Variants in MRPS28 observed in about 807,000 individuals in gnomAD.
MRPS28 encodes mitochondrial ribosomal protein S28.
A neutral mutation model predicts 10.8 loss-of-function variants in MRPS28; 7 were observed. The ratio of observed to expected loss-of-function variants is 0.65; its 90% CI spans 0.37 to 1.22. The LOEUF (loss-of-function observed/expected upper bound fraction) is 1.22. MRPS28 is among the 50% of genes most tolerant of loss of function. The pLI, the probability that MRPS28 is intolerant of heterozygous loss-of-function variation, is 0.02. For missense variants in MRPS28, 265 were observed against 232.9 expected (o/e 1.14, Z -0.90); for synonymous variants, 121 against 93.3 (o/e 1.30, Z -1.71).
intron 2 of MRPS28, among the ~76,000 whole-genome samples, chr8:79,992,919 T>C (rs1375867846): frequency 6.6e-6 from 1 of 152,220 alleles, no homozygotes; most frequent in Non-Finnish European, 1.5e-5. Context: ...TGCAAACCTC[T>C]TAACAAAGTA....
intron 2 of MRPS28, among the ~76,000 whole-genome samples, chr8:79,930,354 C>CT (rs1230332785): frequency 6.6e-6 from 1 of 152,232 alleles, no homozygotes; most frequent in East Asian, 1.9e-4. Flanking sequence ...TCTTTAATCT[C>CT]TGTCAGTGTT....
intron 1 of MRPS28, among the ~76,000 whole-genome samples, chr8:80,008,941 T>C: frequency 6.6e-6 from 1 of 152,184 alleles, no homozygotes; most frequent in Non-Finnish European, 1.5e-5. Context: ...ACCCAAAGGA[T>C]TATAAATCAT....
chr8:80,009,970 C>T (rs373100391), intron 1 of MRPS28, among the ~76,000 whole-genome samples: 1 of 152,142 alleles, frequency 6.6e-6, no homozygotes, highest in African/African-American at 2.4e-5. Context: ...AACATGAGTT[C>T]CTGATACATA....
At chr8:79,924,608 T>C (rs1810185463) in intron 2 of MRPS28, among the ~76,000 whole-genome samples, 1 of 152,222 alleles carries the variant, frequency 6.6e-6, no homozygotes, top group Admixed American at 6.5e-5. Context: ...ATTGATACAA[T>C]GTAAAGTGAT....
chr8:79,998,349 G>GA, intron 2 of MRPS28, among the ~76,000 whole-genome samples: 1 of 152,194 alleles, frequency 6.6e-6, no homozygotes, highest in East Asian at 1.9e-4. Flanking sequence ...TGATTTAAAA[G>GA]AAAAATATAA....
chr8:79,985,197 G>C (rs1349874489), intron 2 of MRPS28, among the ~76,000 whole-genome samples: 3 of 152,058 alleles, frequency 2.0e-5, no homozygotes, highest in East Asian at 3.8e-4. Flanking sequence ...ACGAAATGAA[G>C]GCAGAAATAA....
intron 1 of MRPS28, among the ~76,000 whole-genome samples, chr8:80,013,160 T>C (rs79748793): frequency 3.3e-4 from 51 of 152,308 alleles, no homozygotes; most frequent in Non-Finnish European, 6.6e-4. Flanking sequence ...GAATAAGTCA[T>C]TTAACTTCTC....
chr8:79,977,932 C>G lies in MRPS28; in HGVS notation c.395+25067G>C, dbSNP rs7818231. On this transcript the variant is annotated intron_variant, in intron 2 of 2. Coordinates refer to ENST00000276585, the MANE Select transcript of MRPS28 (RefSeq NM_014018.3). Reference sequence around the variant, plus strand: ...TTATATTTATGATATATAAATACTTCTTTTTCCTATTTCCCTTTTTCTTAC... The same window carrying G: ...TTATATTTATGATATATAAATACTTGTTTTTCCTATTTCCCTTTTTCTTAC... Among the ~76,000 whole-genome samples, 1,049 of 152,086 alleles carry G rather than the reference C, an allele frequency of 6.9e-3. 4 individuals are homozygous for G. The highest frequency in any genetic ancestry group is 0.012 in the Non-Finnish European group (832 of 67,990).
chr8:80,027,673 A>C (rs1417879541), intron 1 of MRPS28, among the ~76,000 whole-genome samples: 1 of 152,224 alleles, frequency 6.6e-6, no homozygotes, highest in African/African-American at 2.4e-5. Context: ...GAAGGAGTAA[A>C]GGGGTTCACG....
rs192554022 is a variant in MRPS28 at position 80,014,372 on chromosome 8, C to A, written c.214-11192G>T. Among the ~76,000 whole-genome samples the A allele has an allele frequency of 8.6e-3, 1,306 of 152,232 alleles. 26 individuals carry two copies. The highest frequency in any genetic ancestry group is 0.03 in the African/African-American group (1,245 of 41,534). On this transcript the variant is annotated intron_variant, in intron 1 of 2. Transcript: ENST00000276585. ...GCCAAGTTTGGGATGGTTTGTTATG[C>A]AGCAGTAACTTATACTGTTTCTATA...
At chr8:79,919,967 T>A (rs1446135148) in intron 2 of MRPS28, among the ~76,000 whole-genome samples, 3 of 108,660 alleles carry the variant, frequency 2.8e-5, no homozygotes, top group African/African-American at 3.7e-5. Flanking sequence ...CAGGCCCCGG[T>A]GTGTGATGTT....
chr8:79,919,522 T>C (rs1472621902), intron 2 of MRPS28, among the ~76,000 whole-genome samples: 2 of 151,976 alleles, frequency 1.3e-5, no homozygotes, highest in African/African-American at 4.8e-5. Flanking sequence ...AGAGTCAGGG[T>C]CTCTCTATGT....
At chr8:79,966,813 C>A (rs1807513962) in intron 2 of MRPS28, among the ~76,000 whole-genome samples, 1 of 151,984 alleles carries the variant, frequency 6.6e-6, no homozygotes, top group South Asian at 2.1e-4. Context: ...AAAAAAGTGA[C>A]CAGTATTTTT....
intron 1 of MRPS28, among the ~76,000 whole-genome samples, chr8:80,024,458 G>C (rs1809449446): frequency 6.6e-6 from 1 of 152,124 alleles, no homozygotes. Flanking sequence ...AATAGGATAA[G>C]AACTTCATGA....
At chr8:79,919,937 T>TCCTTCCC (rs1554567139) in intron 2 of MRPS28, among the ~76,000 whole-genome samples, 1 of 102,166 alleles carries the variant, frequency 9.8e-6, no homozygotes, top group Non-Finnish European at 1.9e-5. Flanking sequence ...CCTAATGCTA[T>TCCTTCCC]CCCTCCCCCC....
At chr8:79,926,279 C>T (rs1810233280) in intron 2 of MRPS28, among the ~76,000 whole-genome samples, 2 of 152,234 alleles carry the variant, frequency 1.3e-5, no homozygotes, top group African/African-American at 2.4e-5. Context: ...ATGCAATTTT[C>T]ATTTTAAGAG....
chr8:79,995,629 T>C (rs769241341), intron 2 of MRPS28, among the ~76,000 whole-genome samples: 16 of 152,154 alleles, frequency 1.1e-4, no homozygotes, highest in Non-Finnish European at 2.2e-4. Context: ...TAGGCAAAAC[T>C]CCAACCCAGT....
At position 79,918,927 on chromosome 8, in the gene MRPS28, C is replaced by A. The variant is rs974491698; in HGVS notation, c.*53G>T. 14 of 1,312,226 alleles carry A rather than the reference C, an allele frequency of 1.1e-5. No homozygotes were observed. Among genetic ancestry groups the A allele is most frequent in the Non-Finnish European group, 1.4e-5 (14 of 992,836 alleles). 81.3% of individuals were successfully genotyped at this position (1,312,226 alleles called of 1,614,324 possible). ...TATTCACAATTAGTCTAATTGCATT[C>A]TTGATGAATAACTGACTTCAGCAAA... On this transcript the variant is annotated 3_prime_UTR_variant, in exon 3 of 3. Transcript: ENST00000276585.
chr8:79,947,356 G>C (rs560994831), intron 2 of MRPS28, among the ~76,000 whole-genome samples: 1 of 151,968 alleles, frequency 6.6e-6, no homozygotes, highest in South Asian at 2.1e-4. Context: ...ATTGAAACCA[G>C]GTAAAAAACA....
Sources: gnomAD v4.1 joint callset for allele counts (sites outside exome capture counted in the v4.1 genomes callset) on GRCh38, gnomAD v4.1.1 for gene constraint, MANE v1.5 for transcripts, NCBI Gene and HGNC (gene_info 2026-07-23, HGNC 2026-07-21) for gene names.